The following NPR1 variants were observed in gnomAD, a reference collection of about 807,000 sequenced individuals.
NPR1 encodes natriuretic peptide receptor 1.
NPR1 carries 57 observed loss-of-function variants against 116.9 expected under a neutral mutation model. The observed-to-expected ratio is 0.49, with a 90% confidence interval of 0.39 to 0.61. NPR1 has a LOEUF of 0.61. Among genes scored for constraint, NPR1 ranks in the 20% least tolerant of loss-of-function variants. The pLI is 0.00. For missense variants in NPR1, 1,096 were observed against 1,409.8 expected, an observed-to-expected ratio of 0.78 and a Z score of 3.56; for synonymous variants, 555 against 601.6, an observed-to-expected ratio of 0.92 and a Z score of 1.13.
In NPR1 at chr1:153,693,252, C is replaced by T. The variant is rs747550740; in HGVS notation, c.3123+55C>T. On this transcript the variant is annotated intron_variant, in intron 21 of 21. Coordinates refer to ENST00000368680, the MANE Select transcript of NPR1 (RefSeq NM_000906.4). ...CTTTTGGGGTCCTAGAGGGAGTTAC[C>T]CTTCTCAAGCAGCCAATGCCACTCC... The T allele has an allele frequency of 2.5e-6, 4 of 1,600,098 alleles. No homozygotes were observed. In the Admixed American group the frequency reaches 6.7e-5, roughly 27 times the overall value.
At position 153,682,638 on chromosome 1, in the gene NPR1, C is replaced by T. The variant is rs191824270; in HGVS notation, c.1263+49C>T. ...AGTGCCAATTCCAAATGACATCTCA[C>T]CCTCCTACTTCCCCCCCACAGCCCT... On this transcript the variant is annotated intron_variant, in intron 5 of 21. Transcript: ENST00000368680. 3.6e-6 allele frequency: 5 copies of T among 1,372,166 alleles called. No individual in the cohort carries two copies. In the African/African-American group the frequency reaches 5.7e-5, roughly 16 times the overall value. The allele number at this position is 1,372,166 out of a possible 1,614,324, so 85.0% of individuals were successfully genotyped here.
Position 153,678,995 on chromosome 1 carries a change from G to T in NPR1, c.-114G>T. ...GCCCCGGGGTGAGCGTCCCCGTCCC[G>T]CTCCTGCTCCTTCCCATAGGGACGC... On this transcript the variant is annotated 5_prime_UTR_variant, in exon 1 of 22. Transcript: ENST00000368680. The surrounding 1 kb of genome is among the most constrained non-coding windows in gnomAD (Gnocchi z 5.8). 1.6e-6 allele frequency: 2 copies of T among 1,272,042 alleles called. No homozygotes were observed. Among genetic ancestry groups the T allele is most frequent in the Non-Finnish European group, 2.0e-6 (2 of 987,222 alleles). The allele number at this position is 1,272,042 out of a possible 1,614,324, so 78.8% of individuals were successfully genotyped here.
rs1480217115 is a variant in NPR1, at chr1:153,688,238, A to C, written c.2417+17A>C. On this transcript the variant is annotated intron_variant, in intron 15 of 21. Coordinates refer to ENST00000368680, the MANE Select transcript of NPR1 (RefSeq NM_000906.4). ...ATTTAACAGGTCCCTGGTGTTTGTC[A>C]TGGATCCCCCAGGCCCTTCCTCCAC... 2.5e-6 allele frequency: 4 copies of C among 1,610,480 alleles called. No homozygotes were observed. In the East Asian group the frequency reaches 8.9e-5, roughly 36 times the overall value.
chr1:153,683,317 A>G (rs1669833663), intron 5 of NPR1, 59 bp from the exon 6 acceptor site: 1 of 1,573,238 alleles, frequency 6.4e-7, no homozygotes, highest in Non-Finnish European at 8.6e-7. Context: ...AGACTGCTGC[A>G]CTCACAGCAT....
chr1:153,679,192 G>A lies in NPR1; in HGVS notation c.84G>A (p.Arg28=). Residue 28 remains arginine (R), a synonymous_variant, in exon 1 of 22, where the codon CGG becomes CGA. Transcript: ENST00000368680. The surrounding 1 kb of genome is among the most constrained non-coding windows in gnomAD (Gnocchi z 4.2). ...LLLPPLLLLL[R]GSHAGNLTVA... is the part of the protein sequence containing the mutation. The stretch of plus-strand genomic sequence containing the variant: ...TGCCGCCGCTGCTGCTGCTGCTCCG[G>A]GGCAGCCACGCGGGCAACCTGACGG... 2 of 1,512,746 alleles carry A rather than the reference G, an allele frequency of 1.3e-6. No individual in the cohort carries two copies. The highest frequency in any genetic ancestry group is 1.2e-5 in the South Asian group (1 of 81,634). 93.7% of individuals were successfully genotyped at this position (1,512,746 alleles called of 1,614,324 possible).
Position 153,683,449 on chromosome 1 carries a change from G to A in NPR1, c.1337G>A (p.Gly446Glu). Residue 446 changes from glycine (G) to glutamate (E), a missense_variant, in exon 6 of 22, where the codon GGG becomes GAG. Coordinates refer to ENST00000368680, the MANE Select transcript of NPR1 (RefSeq NM_000906.4). ...GGGCGCAAACTGAACTGGCCCCTGG[G>A]GTACCCTCCTCCTGACATCCCCAAA... ...VSGRKLNWPL[G>E]YPPPDIPKCG... 2 of 1,614,130 alleles carry A rather than the reference G, an allele frequency of 1.2e-6. No individual in the cohort carries two copies. The highest frequency in any genetic ancestry group is 2.2e-5 in the East Asian group (1 of 44,878).
intron 8 of NPR1, 143 bp from the exon 9 acceptor site, chr1:153,685,663 C>CAA (rs5777877): frequency 3.6e-4 from 239 of 665,672 alleles, no homozygotes; most frequent in African/African-American, 2.4e-3. Context: ...TACTACATCT[C>CAA]AAAAAAAAAC....
At chr1:153,692,294 A>C (rs974130588) in intron 20 of NPR1, among the ~76,000 whole-genome samples, 2 of 152,204 alleles carry the variant, frequency 1.3e-5, no homozygotes, top group Non-Finnish European at 2.9e-5. Context: ...GCAAGTATCC[A>C]AGCTGAGGTT....
intron 19 of NPR1, 128 bp downstream of exon 19, chr1:153,690,108 GTCTCTCTCTCTCTC>G (rs1156364963): frequency 1.6e-3 from 508 of 315,316 alleles, no homozygotes; most frequent in South Asian, 8.2e-3. Flanking sequence ...CTCTCTCTCT[GTCTCTCTCTCTCTC>G]TCTCTCTCTC....
At chr1:153,686,571 G>A (rs1009790291) in intron 10 of NPR1, 75 bp from the exon 11 acceptor site, 1 of 1,166,610 alleles carries the variant, frequency 8.6e-7, no homozygotes, top group Non-Finnish European at 1.3e-6. Context: ...GAAGAGTGAG[G>A]GTCCCTGAAG....
chr1:153,690,817 C>T (rs1225678794), intron 20 of NPR1, among the ~76,000 whole-genome samples: 3 of 151,830 alleles, frequency 2.0e-5, no homozygotes, highest in East Asian at 1.9e-4. Flanking sequence ...ATGGCAGGCT[C>T]CTGTAATCCC....
intron 7 of NPR1, among the ~76,000 whole-genome samples, chr1:153,684,283 G>A (rs1351462265): frequency 6.6e-6 from 1 of 152,040 alleles, no homozygotes; most frequent in African/African-American, 2.4e-5. Context: ...AAGTACAGGA[G>A]GAGTTAATGA....
intron 5 of NPR1, among the ~76,000 whole-genome samples, 189 bp from the exon 6 acceptor site, chr1:153,683,187 T>C (rs1669829373): frequency 6.6e-6 from 1 of 152,098 alleles, no homozygotes; most frequent in African/African-American, 2.4e-5. Flanking sequence ...GTGTTTCCAC[T>C]TGAGTACTAT....
chr1:153,687,391 C>G, intron 13 of NPR1, 35 bp downstream of exon 13: 1 of 1,607,676 alleles, frequency 6.2e-7, no homozygotes, highest in Admixed American at 1.7e-5. Flanking sequence ...CACCTGCCCC[C>G]AGCACCACCC....
chr1:153,690,634 G>A (rs1670080632), intron 20 of NPR1, among the ~76,000 whole-genome samples: 2 of 152,068 alleles, frequency 1.3e-5, no homozygotes, highest in South Asian at 4.1e-4. Flanking sequence ...GTTCCCAGCA[G>A]GAATCTGATT....
chr1:153,693,892 C>A lies in NPR1; in HGVS notation c.*478C>A, dbSNP rs1670172700. 1 of 399,360 alleles carries A rather than the reference C, an allele frequency of 2.5e-6. No homozygotes were observed. Among genetic ancestry groups the A allele is most frequent in the Admixed American group, 4.4e-5 (1 of 22,770 alleles). 24.7% of individuals were successfully genotyped at this position (399,360 alleles called of 1,614,324 possible). On this transcript the variant is annotated 3_prime_UTR_variant, in exon 22 of 22. Transcript: ENST00000368680. Reference sequence around the variant, plus strand: ...CCGACCCCCTCCACCCAGCAGTAGACACAGTGCACAGGGGAGAAGAGGGGT... The same window carrying A: ...CCGACCCCCTCCACCCAGCAGTAGAAACAGTGCACAGGGGAGAAGAGGGGT...
chr1:153,682,382 T>C, intron 4 of NPR1, 116 bp from the exon 5 acceptor site: 1 of 730,060 alleles, frequency 1.4e-6, no homozygotes, highest in Non-Finnish European at 2.4e-6. Flanking sequence ...ACTATCATTC[T>C]GTATACATGT....
At chr1:153,691,086 T>C (rs1276563428) in intron 20 of NPR1, among the ~76,000 whole-genome samples, 3 of 152,060 alleles carry the variant, frequency 2.0e-5, no homozygotes, top group Non-Finnish European at 4.4e-5. Context: ...CTCTGAGCCA[T>C]GGTTTTCCTC....
intron 7 of NPR1, 54 bp from the exon 8 acceptor site, chr1:153,684,910 C>T (rs1669883176): frequency 6.2e-7 from 1 of 1,607,254 alleles, no homozygotes; most frequent in Admixed American, 1.7e-5. Context: ...GCTGAGCACC[C>T]TGCCCTGGGT....
Sources: allele counts gnomAD v4.1 joint callset (sites outside exome capture counted in the v4.1 genomes callset), GRCh38; gene constraint gnomAD v4.1.1; non-coding constraint Gnocchi (gnomAD v3.1); transcripts MANE v1.5; gene names NCBI Gene and HGNC (gene_info 2026-07-23, HGNC 2026-07-21).